Variants in CPEB1 observed in about 807,000 individuals in gnomAD.
CPEB1 encodes the protein cytoplasmic polyadenylation element-binding protein 1.
A neutral mutation model predicts 65.8 loss-of-function variants in CPEB1; 7 were observed. The ratio of observed to expected loss-of-function variants is 0.11; its 90% confidence interval spans 0.06 to 0.20. CPEB1 has a LOEUF of 0.20. Ranked by LOEUF, CPEB1 falls within the 10% of genes least tolerant of loss-of-function variation. CPEB1 has a pLI of 1.00. For synonymous variants in CPEB1, 262 were observed against 260.0 expected, an observed-to-expected ratio of 1.01 and a Z score of -0.08; for missense variants, 551 against 712.2, an observed-to-expected ratio of 0.77 and a Z score of 2.58.
intron 3 of CPEB1, among the ~76,000 whole-genome samples, chr15:82,598,178 A>C (rs1200651618): frequency 2.6e-5 from 4 of 152,242 alleles, no homozygotes; most frequent in African/African-American, 9.6e-5. Context: ...GGCATTTCAA[A>C]AACAAATGTC....
intron 1 of CPEB1, among the ~76,000 whole-genome samples, chr15:82,632,271 T>C (rs974837472): frequency 6.6e-6 from 1 of 151,908 alleles, no homozygotes; most frequent in Non-Finnish European, 1.5e-5. Flanking sequence ...CGTGAGCCAC[T>C]GCGCCCAGCC....
At chr15:82,550,560 G>A (rs12441776) in intron 9 of CPEB1, among the ~76,000 whole-genome samples, 11,724 of 152,222 alleles carry the variant, frequency 0.077, 685 homozygotes, top group African/African-American at 0.16. Context: ...ACGGTCTTGG[G>A]ATGAGAGGAC....
At chr15:82,581,060 C>T (rs1048332413) in intron 3 of CPEB1, among the ~76,000 whole-genome samples, 1 of 152,144 alleles carries the variant, frequency 6.6e-6, no homozygotes, top group African/African-American at 2.4e-5. Context: ...CAGGCTGTTG[C>T]TGAACCTCTG....
chr15:82,645,483 C>G (rs2047427463), intron 1 of CPEB1, among the ~76,000 whole-genome samples: 1 of 151,978 alleles, frequency 6.6e-6, no homozygotes, highest in Non-Finnish European at 1.5e-5. Context: ...TTGACTTACA[C>G]ACAGAGTAGT....
chr15:82,555,519 C>T (rs539387483), intron 6 of CPEB1, among the ~76,000 whole-genome samples: 1 of 152,288 alleles, frequency 6.6e-6, no homozygotes, highest in Admixed American at 6.5e-5. Flanking sequence ...CTGGATATCC[C>T]TTCCAGAGTT....
rs1321406895 is a variant in CPEB1 at position 82,578,375 on chromosome 15, G to C, written c.272-6843C>G. Among the ~76,000 whole-genome samples the C allele has an allele frequency of 2.0e-5, 3 of 152,138 alleles. No individual in the cohort carries two copies. The East Asian group carries it at 5.8e-4, about 29-fold the overall frequency. Reference sequence around the variant, plus strand: ...TTGCACAGAACTAAATCAAAGAATTGTATGAACTAGTTCATTCCCCATCTA... The same window carrying C: ...TTGCACAGAACTAAATCAAAGAATTCTATGAACTAGTTCATTCCCCATCTA... On this transcript the variant is annotated intron_variant, in intron 3 of 12. Transcript: ENST00000684509.
chr15:82,573,279 G>T, intron 3 of CPEB1: 1 of 907,710 alleles, frequency 1.1e-6, no homozygotes, highest in African/African-American at 1.7e-5. Flanking sequence ...ATCCATCCAC[G>T]TTATTCCTCC....
At chr15:82,620,671 C>T (rs1295363824) in intron 3 of CPEB1, among the ~76,000 whole-genome samples, 2 of 152,008 alleles carry the variant, frequency 1.3e-5, no homozygotes, top group Admixed American at 6.6e-5. Context: ...GGCATGGTGG[C>T]GCATGATTGC....
intron 3 of CPEB1, among the ~76,000 whole-genome samples, chr15:82,575,829 A>C (rs554514434): frequency 6.6e-6 from 1 of 152,216 alleles, no homozygotes; most frequent in East Asian, 1.9e-4. Flanking sequence ...ATTACCGTAA[A>C]TGGTACATCC....
intron 3 of CPEB1, among the ~76,000 whole-genome samples, chr15:82,615,758 T>C (rs2044650564): frequency 6.6e-6 from 1 of 152,168 alleles, no homozygotes; most frequent in Non-Finnish European, 1.5e-5. Flanking sequence ...GATTATAAAC[T>C]GGTAAATGCA....
chr15:82,607,484 A>G (rs920499747), intron 3 of CPEB1, among the ~76,000 whole-genome samples: 4 of 152,152 alleles, frequency 2.6e-5, no homozygotes, highest in African/African-American at 9.7e-5. Flanking sequence ...GCTACTCGGG[A>G]GGCTGAGACA....
At chr15:82,582,033 C>A (rs532396779) in intron 3 of CPEB1, among the ~76,000 whole-genome samples, 4 of 152,240 alleles carry the variant, frequency 2.6e-5, no homozygotes, top group African/African-American at 9.6e-5. Context: ...TCCATGATGC[C>A]AAAGGATGTG....
chr15:82,616,736 T>C (rs538785360), intron 3 of CPEB1, among the ~76,000 whole-genome samples: 117 of 152,076 alleles, frequency 7.7e-4, no homozygotes, highest in African/African-American at 2.7e-3. Flanking sequence ...AGAGACAGGG[T>C]TTCACCATGT....
intron 3 of CPEB1, among the ~76,000 whole-genome samples, chr15:82,575,660 T>C (rs1460143902): frequency 1.3e-5 from 2 of 152,110 alleles, no homozygotes; most frequent in Non-Finnish European, 2.9e-5. Flanking sequence ...AAGGATTATA[T>C]AAATGGCCAA....
At chr15:82,607,498 G>A (rs1209098984) in intron 3 of CPEB1, among the ~76,000 whole-genome samples, 1 of 152,122 alleles carries the variant, frequency 6.6e-6, no homozygotes. Flanking sequence ...TGAGACAGGA[G>A]AATTGCTTGA....
At chr15:82,552,299 CT>C (rs112872369) in intron 9 of CPEB1, among the ~76,000 whole-genome samples, 180 bp downstream of exon 9, 2,031 of 138,970 alleles carry the variant, frequency 0.015, 17 homozygotes, top group Middle Eastern at 0.037. Flanking sequence ...CCAAAGGTTG[CT>C]TTTTTTTTTT....
rs74886352 is a variant in CPEB1, at chr15:82,589,858, G to A, written c.272-18326C>T. On this transcript the variant is annotated intron_variant, in intron 3 of 12. Coordinates refer to ENST00000684509, the MANE Select transcript of CPEB1 (RefSeq NM_001365242.1). ...CATGTACAGATTTGTCAGTATTCCC[G>A]AAACAATACAGTATAACTATTTACA... 3.3e-4 allele frequency among the ~76,000 whole-genome samples: 50 copies of A among 152,170 alleles called. 1 individual carries two copies. In the East Asian group the frequency reaches 7.5e-3, roughly 23 times the overall value.
At chr15:82,634,012 G>A (rs931134264) in intron 1 of CPEB1, among the ~76,000 whole-genome samples, 1 of 151,480 alleles carries the variant, frequency 6.6e-6, no homozygotes, top group Non-Finnish European at 1.5e-5. Context: ...CTTCGTAGTA[G>A]TCAGAAATAC....
chr15:82,624,610 C>G (rs751807850), intron 3 of CPEB1, among the ~76,000 whole-genome samples: 1 of 152,110 alleles, frequency 6.6e-6, no homozygotes, highest in Non-Finnish European at 1.5e-5. Context: ...GTAACAACAT[C>G]GTCACCAGAC....
Sources: allele counts gnomAD v4.1 joint callset (sites outside exome capture counted in the v4.1 genomes callset), GRCh38; gene constraint gnomAD v4.1.1; transcripts MANE v1.5; gene names NCBI Gene and HGNC (gene_info 2026-07-23, HGNC 2026-07-21).